Variants in PLD5 observed in about 807,000 individuals in gnomAD.
The protein encoded by PLD5 is inactive phospholipase D5.
PLD5 carries 36 observed loss-of-function variants against 61.1 expected under a neutral mutation model. The observed-to-expected ratio is 0.59, with a 90% CI of 0.45 to 0.78. The LOEUF is 0.78. Among genes scored for constraint, PLD5 ranks in the 30% least tolerant of loss-of-function variants. PLD5 has a pLI of 0.00. For synonymous variants in PLD5, 243 were observed against 242.8 expected, an observed-to-expected ratio of 1.00 and a Z score of -0.01; for missense variants, 515 against 644.4, an observed-to-expected ratio of 0.80 and a Z score of 2.17.
intron 6 of PLD5, among the ~76,000 whole-genome samples, chr1:242,124,178 G>A (rs547001934): frequency 1.8e-4 from 27 of 152,268 alleles, no homozygotes; most frequent in Admixed American, 7.8e-4. Context: ...AGGTAAGGTC[G>A]ATACCTTCAT....
At chr1:242,126,233 C>T (rs6677430) in intron 5 of PLD5, among the ~76,000 whole-genome samples, 3,461 of 152,258 alleles carry the variant, frequency 0.023, 140 homozygotes, top group African/African-American at 0.078. Flanking sequence ...AATGACCATA[C>T]TGCCAAAAGT....
At chr1:242,154,849 A>G (rs2636261) in intron 5 of PLD5, among the ~76,000 whole-genome samples, 128,148 of 152,188 alleles carry the variant, frequency 0.84, 54,455 homozygotes, top group African/African-American at 0.95. Context: ...TAAGGATGAT[A>G]CTGGCCTCAT....
chr1:242,166,012 G>C (rs1414643233), intron 5 of PLD5, among the ~76,000 whole-genome samples: 1 of 152,184 alleles, frequency 6.6e-6, no homozygotes, highest in African/African-American at 2.4e-5. Flanking sequence ...GACCCATTAT[G>C]CTGTCCTTGC....
intron 2 of PLD5, among the ~76,000 whole-genome samples, chr1:242,295,728 T>C (rs866271796): frequency 1.3e-5 from 2 of 152,176 alleles, no homozygotes; most frequent in African/African-American, 4.8e-5. Context: ...CTGTTTTCTG[T>C]AGGGGTTGAA....
intron 1 of PLD5, among the ~76,000 whole-genome samples, chr1:242,464,702 C>T (rs1667221298): frequency 6.6e-6 from 1 of 152,170 alleles, no homozygotes; most frequent in African/African-American, 2.4e-5. Flanking sequence ...AACAAACATA[C>T]ATTTTCATCA....
chr1:242,357,386 TTA>T (rs1660810125), intron 1 of PLD5, among the ~76,000 whole-genome samples: 1 of 151,428 alleles, frequency 6.6e-6, no homozygotes, highest in African/African-American at 2.4e-5. Context: ...AGTTTGATTA[TTA>T]TATGTCTTGG....
chr1:242,183,116 T>C (rs1667627194), intron 5 of PLD5, among the ~76,000 whole-genome samples: 1 of 152,240 alleles, frequency 6.6e-6, no homozygotes, highest in Admixed American at 6.5e-5. Flanking sequence ...TTAATCTTGC[T>C]TTATTAAAAG....
In PLD5 at chr1:242,207,852, T is replaced by TTATATATATTTA. The variant is rs1203018484; in HGVS notation, c.735+12135_735+12136insTAAATATATATA. On this transcript the variant is annotated intron_variant, in intron 5 of 9. Coordinates refer to ENST00000536534, the MANE Select transcript of PLD5 (RefSeq NM_001372062.1). Reference sequence around the variant, plus strand: ...TATATATTTATATATTTATATATATTTATATATTTATATATTTATATATAT... The same window carrying TTATATATATTTA: ...TATATATTTATATATTTATATATATTTATATATATTTATATATATTTATATATTTATATATAT... 1.8e-4 allele frequency among the ~76,000 whole-genome samples: 5 copies of TTATATATATTTA among 27,868 alleles called. 1 individual carries two copies. Among genetic ancestry groups the TTATATATATTTA allele is most frequent in the African/African-American group, 9.3e-4 (5 of 5,388 alleles). The allele number at this position is 27,868 out of a possible 152,430, so 18.3% of individuals were successfully genotyped here.
At position 242,207,932 on chromosome 1, in the gene PLD5, T is replaced by TTA. The variant is rs1553325000; in HGVS notation, c.735+12054_735+12055dup. On this transcript the variant is annotated intron_variant, in intron 5 of 9. Transcript: ENST00000536534. ...TATATATTTATATATTTATATATAT[T>TTA]TATATATTTATATATATTTATTTAT... Among the ~76,000 whole-genome samples the TTA allele has an allele frequency of 3.2e-4, 10 of 30,796 alleles. 1 individual carries two copies. Among genetic ancestry groups the TTA allele is most frequent in the African/African-American group, 1.1e-3 (6 of 5,520 alleles). 20.2% of individuals were successfully genotyped at this position (30,796 alleles called of 152,430 possible). A position where few individuals can be genotyped will look rare whatever the true frequency, so the allele number is the denominator to read the frequency against.
At chr1:242,387,793 A>G (rs1400170555) in intron 1 of PLD5, among the ~76,000 whole-genome samples, 1 of 151,016 alleles carries the variant, frequency 6.6e-6, no homozygotes, top group Admixed American at 6.6e-5. Flanking sequence ...AAAGCTGTTT[A>G]CAGGAATTAG....
intron 1 of PLD5, among the ~76,000 whole-genome samples, chr1:242,429,753 A>C (rs1355143723): frequency 6.6e-6 from 1 of 152,210 alleles, no homozygotes; most frequent in Non-Finnish European, 1.5e-5. Context: ...TCACCATGAG[A>C]ATCTGGCCAT....
At chr1:242,216,074 A>C (rs1233473718) in intron 5 of PLD5, among the ~76,000 whole-genome samples, 2 of 152,296 alleles carry the variant, frequency 1.3e-5, no homozygotes, top group East Asian at 3.9e-4. Flanking sequence ...GCACACATCA[A>C]ACTGAAGTGC....
chr1:242,452,424 A>G (rs565301684), intron 1 of PLD5, among the ~76,000 whole-genome samples: 9 of 152,298 alleles, frequency 5.9e-5, no homozygotes, highest in Admixed American at 5.9e-4. Context: ...GGCCTCACAA[A>G]CCATCAGCAA....
At chr1:242,516,845 C>A (rs958683594) in intron 1 of PLD5, among the ~76,000 whole-genome samples, 1 of 152,232 alleles carries the variant, frequency 6.6e-6, no homozygotes, top group South Asian at 2.1e-4. Flanking sequence ...TCAATACACA[C>A]ACACACAAAC....
chr1:242,429,981 C>T (rs957221820), intron 1 of PLD5, among the ~76,000 whole-genome samples: 18 of 152,170 alleles, frequency 1.2e-4, no homozygotes, highest in African/African-American at 4.1e-4. Context: ...TACTGTCTAG[C>T]TTGACCACAG....
intron 5 of PLD5, among the ~76,000 whole-genome samples, chr1:242,194,943 T>C (rs533035244): frequency 6.6e-6 from 1 of 152,128 alleles, no homozygotes; most frequent in South Asian, 2.1e-4. Context: ...GCTCGGGAGA[T>C]GGGTGCAGCA....
chr1:242,179,981 T>C (rs78093456), intron 5 of PLD5, among the ~76,000 whole-genome samples: 3,785 of 152,176 alleles, frequency 0.025, 178 homozygotes, highest in African/African-American at 0.087. Flanking sequence ...CTGTGAGCTA[T>C]TTTCAGTGTT....
rs79799056 is a variant in PLD5, at chr1:242,395,654, C to T, written c.190-47412G>A. ...GAGTGACAGATGAGATAGATGACCA[C>T]GGCTAATGGAAACATAGAACATAAA... On this transcript the variant is annotated intron_variant, in intron 1 of 9. Coordinates refer to ENST00000536534, the MANE Select transcript of PLD5 (RefSeq NM_001372062.1). Among the ~76,000 whole-genome samples, 69 of 152,194 alleles carry T rather than the reference C, an allele frequency of 4.5e-4. No individual in the cohort carries two copies. In the East Asian group the frequency reaches 9.1e-3, roughly 20 times the overall value.
At position 242,359,278 on chromosome 1, in the gene PLD5, A is replaced by C. The variant is rs184243155; in HGVS notation, c.190-11036T>G. Among the ~76,000 whole-genome samples, 603 of 152,130 alleles carry C rather than the reference A, an allele frequency of 4.0e-3. 6 individuals carry two copies. Among genetic ancestry groups the C allele is most frequent in the African/African-American group, 0.014 (563 of 41,484 alleles). On this transcript the variant is annotated intron_variant, in intron 1 of 9. Transcript: ENST00000536534. ...TCCTGGGAAGTGTCAGAGAAGTTAG[A>C]TGTCTACCTCCTCACCTCTCTTTTT...
Sources: gnomAD v4.1 joint callset for allele counts (sites outside exome capture counted in the v4.1 genomes callset) on GRCh38, gnomAD v4.1.1 for gene constraint, MANE v1.5 for transcripts, NCBI Gene and HGNC (gene_info 2026-07-23, HGNC 2026-07-21) for gene names.